Variants in PDE3A observed in about 807,000 individuals in gnomAD.
PDE3A encodes cGMP-inhibited 3',5'-cyclic phosphodiesterase 3A.
PDE3A carries 43 observed loss-of-function variants against 98.3 expected under a neutral mutation model. That is an observed-to-expected ratio of 0.44 (90% CI 0.34 to 0.56). PDE3A has a LOEUF of 0.56. PDE3A is among the 20% of genes least tolerant of loss of function. The pLI, the probability that PDE3A is intolerant of heterozygous loss-of-function variation, is 0.01. For synonymous variants in PDE3A, 663 were observed against 567.9 expected (o/e 1.17, Z -2.38); for missense variants, 1,427 against 1,440.7 (o/e 0.99, Z 0.15).
At chr12:20,567,939 T>TTAAC (rs1942702221) in intron 2 of PDE3A, among the ~76,000 whole-genome samples, 2 of 152,020 alleles carry the variant, frequency 1.3e-5, no homozygotes, top group South Asian at 4.1e-4. Flanking sequence ...AAGCATTATT[T>TTAAC]TAACTTCACA....
Position 20,687,841 on chromosome 12 carries a change from T to G in PDE3A, c.*7570T>G, listed in dbSNP as rs1048505731. Among the ~76,000 whole-genome samples the G allele has an allele frequency of 3.4e-5, 5 of 148,782 alleles. No homozygotes were observed. Among genetic ancestry groups the G allele is most frequent in the Non-Finnish European group, 7.4e-5 (5 of 67,488 alleles). On this transcript the variant is annotated 3_prime_UTR_variant, in exon 16 of 16. Coordinates refer to ENST00000359062, the MANE Select transcript of PDE3A (RefSeq NM_000921.5). ...TTTGGTTGGTTTGAATAATTTGATTTGCATTTTGGTATTAAAATGTGCTCT... is the reference window on the plus strand; with the variant it reads ...TTTGGTTGGTTTGAATAATTTGATTGGCATTTTGGTATTAAAATGTGCTCT...
intron 1 of PDE3A, among the ~76,000 whole-genome samples, chr12:20,403,741 G>A (rs749794448): frequency 8.6e-5 from 13 of 151,978 alleles, no homozygotes; most frequent in Non-Finnish European, 1.9e-4. Flanking sequence ...TTTTATTTCA[G>A]GGCTATTTCA....
intron 1 of PDE3A, among the ~76,000 whole-genome samples, chr12:20,523,796 T>G (rs1946470374): frequency 6.6e-6 from 1 of 152,194 alleles, no homozygotes; most frequent in South Asian, 2.1e-4. Context: ...AAAATTTGAA[T>G]TATAGAAGAG....
intron 1 of PDE3A, among the ~76,000 whole-genome samples, chr12:20,518,477 T>C (rs888715776): frequency 1.3e-5 from 2 of 152,090 alleles, no homozygotes; most frequent in Non-Finnish European, 1.5e-5. Flanking sequence ...CTGTGGCTAA[T>C]AAAATAACTG....
intron 4 of PDE3A, among the ~76,000 whole-genome samples, chr12:20,617,078 A>G (rs1209840462): frequency 6.6e-6 from 1 of 152,198 alleles, no homozygotes; most frequent in Non-Finnish European, 1.5e-5. Context: ...AAATTCATTA[A>G]TTGTGAGAAC....
At chr12:20,398,883 T>C (rs1944069620) in intron 1 of PDE3A, among the ~76,000 whole-genome samples, 1 of 152,178 alleles carries the variant, frequency 6.6e-6, no homozygotes, top group African/African-American at 2.4e-5. Flanking sequence ...TAAGTACATT[T>C]ACATTGTTGG....
chr12:20,650,411 AG>A, intron 13 of PDE3A, 33 bp from the exon 14 acceptor site: 2 of 1,502,460 alleles, frequency 1.3e-6, no homozygotes, highest in Non-Finnish European at 1.8e-6. Flanking sequence ...TTTTTATCAA[AG>A]CAAAACATAT....
intron 1 of PDE3A, among the ~76,000 whole-genome samples, chr12:20,489,073 C>T (rs561707727): frequency 2.0e-5 from 3 of 152,178 alleles, no homozygotes; most frequent in South Asian, 2.1e-4. Context: ...TTCCAAATAC[C>T]GTACTCCAAA....
intron 1 of PDE3A, among the ~76,000 whole-genome samples, chr12:20,532,948 T>A (rs1941649715): frequency 1.3e-5 from 2 of 152,260 alleles, no homozygotes; most frequent in South Asian, 4.1e-4. Context: ...AGTGCTGGGA[T>A]TACAGGCGTG....
At chr12:20,645,435 T>C (rs1261509583) in intron 10 of PDE3A, among the ~76,000 whole-genome samples, 7 of 152,172 alleles carry the variant, frequency 4.6e-5, no homozygotes, top group Non-Finnish European at 8.8e-5. Context: ...GTCATTCTTG[T>C]TCTCTCCTGT....
At chr12:20,496,261 A>G (rs1448962442) in intron 1 of PDE3A, among the ~76,000 whole-genome samples, 1 of 152,194 alleles carries the variant, frequency 6.6e-6, no homozygotes. Flanking sequence ...TGAAGTGATG[A>G]AGTGATAAGC....
intron 1 of PDE3A, among the ~76,000 whole-genome samples, chr12:20,485,557 G>A (rs1476397347): frequency 1.3e-5 from 2 of 152,068 alleles, no homozygotes; most frequent in Non-Finnish European, 2.9e-5. Flanking sequence ...CTTAGAATAA[G>A]ACAAAGTAAG....
At position 20,684,480 on chromosome 12, in the gene PDE3A, T is replaced by A. The variant is rs546788465; in HGVS notation, c.*4209T>A. The A allele has an allele frequency of 6.6e-6, 1 of 152,278 alleles. No individual in the cohort carries two copies. The highest frequency in any genetic ancestry group is 2.4e-5 in the African/African-American group (1 of 41,568). 9.4% of individuals were successfully genotyped at this position (152,278 alleles called of 1,614,324 possible). A position where few individuals can be genotyped will look rare whatever the true frequency, so the allele number is the denominator to read the frequency against. ...TATTAGCTAATGTGTGAAAGAAATATCAATAGAAGTTCAAATGCTAATAGC... is the reference window on the plus strand; with the variant it reads ...TATTAGCTAATGTGTGAAAGAAATAACAATAGAAGTTCAAATGCTAATAGC... On this transcript the variant is annotated 3_prime_UTR_variant, in exon 16 of 16. Transcript: ENST00000359062.
chr12:20,670,175 A>C (rs528599905), intron 15 of PDE3A, among the ~76,000 whole-genome samples: 8 of 150,764 alleles, frequency 5.3e-5, no homozygotes, highest in Admixed American at 1.3e-4. Context: ...GCACCCAATA[A>C]AGGAGCACCA....
chr12:20,674,727 G>C (rs1309977901), intron 15 of PDE3A, among the ~76,000 whole-genome samples: 3 of 151,910 alleles, frequency 2.0e-5, no homozygotes, highest in African/African-American at 7.2e-5. Flanking sequence ...TTTCTAGTTT[G>C]CTAATACATA....
At chr12:20,430,466 TG>T (rs1198802250) in intron 1 of PDE3A, among the ~76,000 whole-genome samples, 1 of 152,210 alleles carries the variant, frequency 6.6e-6, no homozygotes, top group African/African-American at 2.4e-5. Flanking sequence ...ATGAGTCTTC[TG>T]TTTTTTAACT....
Position 20,637,752 on chromosome 12 carries a change from C to A in PDE3A, c.2139+515C>A, listed in dbSNP as rs1056714324. Among the ~76,000 whole-genome samples, 48 of 152,042 alleles carry A rather than the reference C, an allele frequency of 3.2e-4. 2 individuals carry two copies. Among genetic ancestry groups the A allele is most frequent in the Non-Finnish European group, 4.4e-5 (3 of 68,004 alleles). On this transcript the variant is annotated intron_variant, in intron 9 of 15. Transcript: ENST00000359062. ...AATAATACTGTTGCTGCATAACCAG[C>A]CTTTGAGTATTGTTTTCTTTAGGCT...
intron 15 of PDE3A, among the ~76,000 whole-genome samples, chr12:20,668,528 T>A (rs1330895799): frequency 6.6e-6 from 1 of 152,202 alleles, no homozygotes; most frequent in African/African-American, 2.4e-5. Context: ...CCTCCTCAAG[T>A]GGGTCCCTGA....
intron 1 of PDE3A, among the ~76,000 whole-genome samples, chr12:20,521,707 C>T (rs964823280): frequency 3.3e-5 from 5 of 151,976 alleles, no homozygotes; most frequent in African/African-American, 7.3e-5. Flanking sequence ...TCTGTTGTGC[C>T]GAACCCTCAT....
Sources: gnomAD v4.1 joint callset for allele counts (sites outside exome capture counted in the v4.1 genomes callset) on GRCh38, gnomAD v4.1.1 for gene constraint, MANE v1.5 for transcripts, NCBI Gene and HGNC (gene_info 2026-07-23, HGNC 2026-07-21) for gene names.